Variants in PFKFB3 observed in about 807,000 individuals in gnomAD.
PFKFB3 encodes 6-phosphofructo-2-kinase/fructose-2,6-biphosphatase 3.
In PFKFB3, 33 loss-of-function variants were observed where a neutral mutation model predicts 68.0. The ratio of observed to expected loss-of-function variants is 0.49; its 90% confidence interval spans 0.37 to 0.65. PFKFB3 has a LOEUF of 0.65. Among genes scored for constraint, PFKFB3 ranks in the 30% least tolerant of loss-of-function variants. The probability of loss-of-function intolerance (pLI) is 0.00; values close to 1 mark genes in which losing one functional copy is unlikely to be tolerated. For missense variants in PFKFB3, 586 were observed against 712.2 expected, an observed-to-expected ratio of 0.82 and a Z score of 2.02; for synonymous variants, 315 against 288.2, an observed-to-expected ratio of 1.09 and a Z score of -0.94.
chr10:6,271,495 T>G, the PFKFB3 span, among the ~76,000 whole-genome samples: 1 of 152,124 alleles, frequency 6.6e-6, no homozygotes, highest in East Asian at 1.9e-4. Flanking sequence ...GAAGCCGAAT[T>G]CTTTGAGAGT....
downstream of PFKFB3, among the ~76,000 whole-genome samples, chr10:6,239,253 A>G (rs1028604551): frequency 1.3e-5 from 2 of 152,212 alleles, no homozygotes. Context: ...TTCAAATGCA[A>G]GGTAGATGCT....
chr10:6,174,817 TA>T lies in PFKFB3; in HGVS notation c.16+29806del, dbSNP rs1161551761. On this transcript the variant is annotated intron_variant, in intron 1 of 14. Transcript: ENST00000379789. ...ATAGCTTCTACTTTGTTTCTTTCTT[TA>T]ATTTTTTTTTTTTTTTTAATACGGA... Among the ~76,000 whole-genome samples the T allele has an allele frequency of 1.0e-3, 107 of 105,390 alleles. 1 individual carries two copies. The highest frequency in any genetic ancestry group is 3.7e-4 in the South Asian group (1 of 2,700). The allele number at this position is 105,390 out of a possible 152,430, so 69.1% of individuals were successfully genotyped here.
chr10:6,208,350 G>A (rs948645930), intron 1 of PFKFB3, among the ~76,000 whole-genome samples: 2 of 139,392 alleles, frequency 1.4e-5, no homozygotes, highest in Non-Finnish European at 1.5e-5. Context: ...GGGATTACAG[G>A]TGTAAGCCAG....
At position 6,229,154 on chromosome 10, in the gene PFKFB3, G is replaced by A. The variant is rs763281157; in HGVS notation, c.1515+2789G>A. The A allele has an allele frequency of 1.9e-6, 1 of 530,660 alleles. No homozygotes were observed. Among genetic ancestry groups the A allele is most frequent in the Non-Finnish European group, 3.9e-6 (1 of 258,686 alleles). The allele number at this position is 530,660 out of a possible 1,614,324, so 32.9% of individuals were successfully genotyped here. A position where few individuals can be genotyped will look rare whatever the true frequency, so the allele number is the denominator to read the frequency against. Reference sequence around the variant, plus strand: ...GGAATGCAGCCTGAGATGCTGAAAAGAATGACTGGCTTTGGAAATGGGAGA... The same window carrying A: ...GGAATGCAGCCTGAGATGCTGAAAAAAATGACTGGCTTTGGAAATGGGAGA... On this transcript the variant is annotated intron_variant, in intron 14 of 14. Coordinates refer to ENST00000379775, the MANE Select transcript of PFKFB3 (RefSeq NM_004566.4). This position sits in a 1 kb window ranked among gnomAD's most constrained non-coding sequence, Gnocchi z 4.3.
chr10:6,183,614 A>ATAT lies in PFKFB3; in HGVS notation c.17-30009_17-30008insTAT, dbSNP rs1554843857. Among the ~76,000 whole-genome samples, 205 of 93,936 alleles carry ATAT rather than the reference A, an allele frequency of 2.2e-3. 1 individual carries two copies. Among genetic ancestry groups the ATAT allele is most frequent in the African/African-American group, 5.4e-3 (159 of 29,362 alleles). The allele number at this position is 93,936 out of a possible 152,430, so 61.6% of individuals were successfully genotyped here. On this transcript the variant is annotated intron_variant, in intron 1 of 14. Coordinates refer to the PFKFB3 transcript ENST00000379789. ...GACCAGCCTGGTCAAAAAAAAAAAA[A>ATAT]ATATATATATATATATATGTATATA...
At chr10:6,238,457 G>C (rs1318077904), downstream of PFKFB3, among the ~76,000 whole-genome samples, 2 of 133,172 alleles carry the variant, frequency 1.5e-5, no homozygotes, top group African/African-American at 6.0e-5. Flanking sequence ...GAGCCACTGA[G>C]CCTGGCTGAG....
intron 13 of PFKFB3, chr10:6,225,063 C>T: frequency 2.2e-6 from 1 of 453,732 alleles, no homozygotes. Flanking sequence ...GGAGGCCTGA[C>T]ATTTGGAGGT....
chr10:6,186,324 G>A (rs1322153147), intron 1 of PFKFB3, among the ~76,000 whole-genome samples: 2 of 152,162 alleles, frequency 1.3e-5, no homozygotes, highest in African/African-American at 2.4e-5. Flanking sequence ...CAGCAAAGGG[G>A]TAGATGGGCC....
rs560397418 is a variant in PFKFB3 at position 6,206,494 on chromosome 10, G to A, written c.76+3158G>A. 8.6e-3 allele frequency among the ~76,000 whole-genome samples: 1,098 copies of A among 128,334 alleles called. 48 individuals are homozygous for A. The highest frequency in any genetic ancestry group is 0.038 in the African/African-American group (1,036 of 27,332). 84.2% of individuals were successfully genotyped at this position (128,334 alleles called of 152,430 possible). On this transcript the variant is annotated intron_variant, in intron 1 of 14. Coordinates refer to ENST00000379775, the MANE Select transcript of PFKFB3 (RefSeq NM_004566.4). The stretch of plus-strand genomic sequence containing the variant: ...ACACCTCCCAGACGGGGTGGTGGCC[G>A]GGCAGAGGGGCTCCTCACTTCCCAG...
intron 1 of PFKFB3, among the ~76,000 whole-genome samples, chr10:6,182,947 A>G (rs1397168654): frequency 6.6e-6 from 1 of 152,104 alleles, no homozygotes; most frequent in Non-Finnish European, 1.5e-5. Context: ...CCACAGACCC[A>G]CCTGTCGCCA....
chr10:6,273,069 T>A, the PFKFB3 span, among the ~76,000 whole-genome samples: 1 of 140,316 alleles, frequency 7.1e-6, no homozygotes, highest in Non-Finnish European at 1.5e-5. Context: ...TGCAGTGGCA[T>A]GATTTCAGCT....
At chr10:6,261,239 G>A in the PFKFB3 span, among the ~76,000 whole-genome samples, 1 of 152,156 alleles carries the variant, frequency 6.6e-6, no homozygotes, top group African/African-American at 2.4e-5. Flanking sequence ...TGAATTTTCT[G>A]CCCTTATTTG....
At chr10:6,189,512 CTTTTTTTTTTTTTTTTTTTTGGGAGA>C (rs1842968956) in intron 1 of PFKFB3, among the ~76,000 whole-genome samples, 1 of 121,202 alleles carries the variant, frequency 8.3e-6, no homozygotes, top group Non-Finnish European at 1.7e-5. Flanking sequence ...GTGAGGTTCA[CTTTTTTTTTTTTTTTTTTTTGGGAGA>C]CAGTCTCGCT....
intron 10 of PFKFB3, 90 bp from the exon 11 acceptor site, chr10:6,222,765 C>A: frequency 1.4e-6 from 2 of 1,406,150 alleles, no homozygotes; most frequent in Non-Finnish European, 1.9e-6. Flanking sequence ...TTTTGCGTGG[C>A]TCTCTGGCCG....
At chr10:6,278,022 A>AGCCTCCTCAG in the PFKFB3 span, among the ~76,000 whole-genome samples, 107 of 150,686 alleles carry the variant, frequency 7.1e-4, no homozygotes, top group African/African-American at 2.6e-3. Flanking sequence ...AGTTCACACC[A>AGCCTCCTCAG]TTCTCCTGCC....
At chr10:6,204,158 G>T (rs1404160573) in intron 1 of PFKFB3, among the ~76,000 whole-genome samples, 3 of 152,262 alleles carry the variant, frequency 2.0e-5, no homozygotes, top group Non-Finnish European at 2.9e-5. Context: ...CTTGGGAGAG[G>T]GTTACCTCGA....
Position 6,145,358 on chromosome 10 carries a change from G to T in PFKFB3, c.16+345G>T, listed in dbSNP as rs374936802. ...AGCCCCGCATTGTGCCTCCAGACCC[G>T]CGCTACCTCCTCCAGACCCGCGCGT... On this transcript the variant is annotated intron_variant, in intron 1 of 14. Transcript: ENST00000379789. 2.6e-4 allele frequency among the ~76,000 whole-genome samples: 39 copies of T among 150,294 alleles called. 1 individual carries two copies. In the South Asian group the frequency reaches 8.0e-3, roughly 31 times the overall value.
At chr10:6,262,862 G>A in the PFKFB3 span, among the ~76,000 whole-genome samples, 6 of 152,192 alleles carry the variant, frequency 3.9e-5, no homozygotes, top group Non-Finnish European at 7.3e-5. Context: ...GACTTCTAAG[G>A]GGGAGCTGCT....
intron 1 of PFKFB3, among the ~76,000 whole-genome samples, chr10:6,205,992 T>C (rs1438129141): frequency 6.9e-6 from 1 of 145,252 alleles, no homozygotes; most frequent in Non-Finnish European, 1.5e-5. Flanking sequence ...TTTTTTTTAA[T>C]TGATCATTCT....
Sources: allele counts gnomAD v4.1 joint callset (sites outside exome capture counted in the v4.1 genomes callset), GRCh38; gene constraint gnomAD v4.1.1; non-coding constraint Gnocchi (gnomAD v3.1); transcripts MANE v1.5; gene names NCBI Gene and HGNC (gene_info 2026-07-23, HGNC 2026-07-21).